The following GPC5 variants were observed in gnomAD, a reference collection of about 807,000 sequenced individuals.
The protein encoded by GPC5 is glypican 5.
A neutral mutation model predicts 53.9 loss-of-function variants in GPC5; 47 were observed. The observed-to-expected ratio is 0.87, with a 90% confidence interval of 0.69 to 1.11. GPC5 has a LOEUF of 1.11. Ranked by LOEUF, GPC5 falls within the 50% of genes most tolerant of loss-of-function variation. GPC5 has a pLI of 0.00. For missense variants in GPC5, 748 were observed against 713.1 expected (o/e 1.05, Z -0.56); for synonymous variants, 286 against 263.3 (o/e 1.09, Z -0.84).
rs1175368842 is a variant in GPC5, at chr13:92,208,688, G to A, written c.1561+63699G>A. Among the ~76,000 whole-genome samples, 3 of 152,174 alleles carry A rather than the reference G, an allele frequency of 2.0e-5. No homozygotes were observed. In the South Asian group the frequency reaches 6.2e-4, roughly 32 times the overall value. Reference sequence around the variant, plus strand: ...GAGGAATTTTTCATAAAGATGAAAGGGTCGCTCTACCATAATGACATGACA... The same window carrying A: ...GAGGAATTTTTCATAAAGATGAAAGAGTCGCTCTACCATAATGACATGACA... On this transcript the variant is annotated intron_variant, in intron 7 of 7. Transcript: ENST00000377067.
At chr13:92,529,739 T>A (rs963741904) in intron 7 of GPC5, among the ~76,000 whole-genome samples, 2 of 152,094 alleles carry the variant, frequency 1.3e-5, no homozygotes, top group African/African-American at 4.8e-5. Context: ...TTAAGAAAAA[T>A]TATGATCACA....
chr13:91,825,647 G>C (rs2038565135), intron 5 of GPC5, among the ~76,000 whole-genome samples: 1 of 152,046 alleles, frequency 6.6e-6, no homozygotes. Context: ...CTGAAGAAAA[G>C]AACTATACTG....
chr13:92,707,100 T>G (rs955696687), intron 7 of GPC5, among the ~76,000 whole-genome samples: 1 of 146,874 alleles, frequency 6.8e-6, no homozygotes, highest in Admixed American at 6.7e-5. Flanking sequence ...CCTCCAGAAC[T>G]ATATGACATA....
intron 6 of GPC5, among the ~76,000 whole-genome samples, chr13:91,922,681 A>G (rs1481273213): frequency 1.2e-4 from 19 of 152,326 alleles, no homozygotes; most frequent in Admixed American, 1.2e-3. Flanking sequence ...GATAAAAAAA[A>G]CAAAAATCAA....
Position 92,691,909 on chromosome 13 carries a change from A to T in GPC5, c.1562-174373A>T, listed in dbSNP as rs1887412852. On this transcript the variant is annotated intron_variant, in intron 7 of 7. Coordinates refer to ENST00000377067, the MANE Select transcript of GPC5 (RefSeq NM_004466.6). ...TCTATTTTAGATTTAGTGGGTACATATACAGGTTTTTTACATGGGATACTG... is the reference window on the plus strand; with the variant it reads ...TCTATTTTAGATTTAGTGGGTACATTTACAGGTTTTTTACATGGGATACTG... 2.6e-5 allele frequency among the ~76,000 whole-genome samples: 4 copies of T among 152,138 alleles called. No individual in the cohort carries two copies. The South Asian group carries it at 8.3e-4, about 32-fold the overall frequency.
intron 7 of GPC5, among the ~76,000 whole-genome samples, chr13:92,349,849 A>G (rs1470264178): frequency 6.6e-6 from 1 of 152,164 alleles, no homozygotes; most frequent in Non-Finnish European, 1.5e-5. Context: ...CTTCCCAAAA[A>G]TTGAAGAGGA....
chr13:91,857,127 TTTGTC>T (rs1476492874), intron 5 of GPC5, among the ~76,000 whole-genome samples: 1 of 151,386 alleles, frequency 6.6e-6, no homozygotes, highest in Admixed American at 6.6e-5. Flanking sequence ...CCAATATCAT[TTTGTC>T]TTGTTCAGGA....
chr13:92,860,282 A>C (rs1036456270), intron 7 of GPC5, among the ~76,000 whole-genome samples: 1 of 152,322 alleles, frequency 6.6e-6, no homozygotes, highest in East Asian at 1.9e-4. Context: ...AAAGGCTTTC[A>C]TGAAGACAGT....
chr13:92,155,387 C>CT (rs1272029190), intron 7 of GPC5, among the ~76,000 whole-genome samples: 1 of 151,914 alleles, frequency 6.6e-6, no homozygotes, highest in East Asian at 1.9e-4. Context: ...TTTTCTGTTT[C>CT]TTTAAAGTAC....
intron 5 of GPC5, among the ~76,000 whole-genome samples, chr13:91,761,809 G>A (rs150001426): frequency 1.4e-3 from 214 of 152,120 alleles, no homozygotes; most frequent in African/African-American, 4.9e-3. Context: ...ACTTCATTAT[G>A]GAGACAACAT....
intron 7 of GPC5, among the ~76,000 whole-genome samples, chr13:92,553,887 A>T (rs1323275247): frequency 6.6e-6 from 1 of 152,024 alleles, no homozygotes; most frequent in African/African-American, 2.4e-5. Context: ...TAATCTACAT[A>T]CTTCATATTT....
chr13:92,068,549 T>G (rs2041184810), intron 6 of GPC5, among the ~76,000 whole-genome samples: 1 of 151,612 alleles, frequency 6.6e-6, no homozygotes, highest in Non-Finnish European at 1.5e-5. Flanking sequence ...AGAATCTTGT[T>G]TCTGATCCCC....
intron 6 of GPC5, among the ~76,000 whole-genome samples, chr13:91,909,498 A>C (rs929075282): frequency 6.6e-6 from 1 of 152,196 alleles, no homozygotes; most frequent in African/African-American, 2.4e-5. Flanking sequence ...ATATTTATTC[A>C]GTCTCATTCT....
At chr13:91,491,227 A>G (rs1183257780) in intron 2 of GPC5, among the ~76,000 whole-genome samples, 1 of 152,126 alleles carries the variant, frequency 6.6e-6, no homozygotes, top group East Asian at 1.9e-4. Flanking sequence ...AAGTCACCAG[A>G]TTTTTTTAAA....
At chr13:92,797,823 A>T (rs1254526167) in intron 7 of GPC5, among the ~76,000 whole-genome samples, 13 of 65,970 alleles carry the variant, frequency 2.0e-4, no homozygotes, top group African/African-American at 6.9e-4. Flanking sequence ...AAGGGATGAT[A>T]GATAGATAGA....
intron 5 of GPC5, among the ~76,000 whole-genome samples, chr13:91,758,920 G>C (rs1594531161): frequency 6.6e-6 from 1 of 152,024 alleles, no homozygotes; most frequent in East Asian, 1.9e-4. Context: ...TTCCATTTCT[G>C]TCTCATGGGT....
intron 6 of GPC5, among the ~76,000 whole-genome samples, chr13:92,114,310 G>A (rs1027735928): frequency 5.9e-5 from 9 of 151,750 alleles, no homozygotes; most frequent in African/African-American, 2.2e-4. Flanking sequence ...CACACACACA[G>A]GCACACACAC....
chr13:92,203,019 G>A (rs2042305977), intron 7 of GPC5, among the ~76,000 whole-genome samples: 1 of 152,104 alleles, frequency 6.6e-6, no homozygotes. Flanking sequence ...TAGAAATCAA[G>A]CAACATAGTA....
chr13:92,657,524 C>T lies in GPC5; in HGVS notation c.1562-208758C>T, dbSNP rs574474687. On this transcript the variant is annotated intron_variant, in intron 7 of 7. Coordinates refer to ENST00000377067, the MANE Select transcript of GPC5 (RefSeq NM_004466.6). ...AACAACTATGATTAAATTAGAGACA[C>T]AACTGGCACGGAAGAGTGTTAGTCA... Among the ~76,000 whole-genome samples the T allele has an allele frequency of 4.7e-5, 7 of 148,394 alleles. No individual in the cohort carries two copies. In the South Asian group the frequency reaches 1.5e-3, roughly 32 times the overall value.
Sources: allele counts gnomAD v4.1 joint callset (sites outside exome capture counted in the v4.1 genomes callset), GRCh38; gene constraint gnomAD v4.1.1; transcripts MANE v1.5; gene names NCBI Gene and HGNC (gene_info 2026-07-23, HGNC 2026-07-21).